The following SLC39A11 variants were observed in gnomAD, a reference collection of about 807,000 sequenced individuals.
The protein encoded by SLC39A11 is zinc transporter ZIP11.
Under a neutral mutation model 36.1 loss-of-function variants are expected in SLC39A11, and 33 were observed. The observed-to-expected ratio is 0.91, with a 90% confidence interval of 0.69 to 1.22. SLC39A11 has a LOEUF of 1.22. Among genes scored for constraint, SLC39A11 ranks in the 50% most tolerant of loss-of-function variants. The pLI, the probability that SLC39A11 is intolerant of heterozygous loss-of-function variation, is 0.00. For missense variants in SLC39A11, 432 were observed against 430.3 expected, an observed-to-expected ratio of 1.00 and a Z score of -0.03; for synonymous variants, 166 against 170.3, an observed-to-expected ratio of 0.97 and a Z score of 0.20.
rs71359751 is a variant in SLC39A11 at position 72,955,298 on chromosome 17, C to CTTTTTTTTTTTTTTTTTTTTTT, written c.307-7424_307-7423insAAAAAAAAAAAAAAAAAAAAAA. Among the ~76,000 whole-genome samples, 63 of 65,564 alleles carry CTTTTTTTTTTTTTTTTTTTTTT rather than the reference C, an allele frequency of 9.6e-4. 1 individual carries two copies. Among genetic ancestry groups the CTTTTTTTTTTTTTTTTTTTTTT allele is most frequent in the Non-Finnish European group, 1.3e-3 (51 of 38,250 alleles). 43.0% of individuals were successfully genotyped at this position (65,564 alleles called of 152,430 possible). A position where few individuals can be genotyped will look rare whatever the true frequency, so the allele number is the denominator to read the frequency against. On this transcript the variant is annotated intron_variant, in intron 4 of 9. Transcript: ENST00000255559. ...GAATAGGCTTTAACTTTTCAGTTCT[C>CTTTTTTTTTTTTTTTTTTTTTT]TTTTTTTTTTTTTTTTTTTTGTTTG...
chr17:73,048,763 A>G (rs980454858), intron 3 of SLC39A11, among the ~76,000 whole-genome samples: 1 of 152,216 alleles, frequency 6.6e-6, no homozygotes, highest in African/African-American at 2.4e-5. Context: ...CTGGCCTACA[A>G]GCGGATACTA....
intron 4 of SLC39A11, among the ~76,000 whole-genome samples, chr17:73,028,669 G>A (rs2058639716): frequency 6.6e-6 from 1 of 152,092 alleles, no homozygotes; most frequent in Non-Finnish European, 1.5e-5. Context: ...TGGTGATGAT[G>A]TCTGTTTCTG....
At chr17:72,719,308 C>T (rs368111660) in intron 7 of SLC39A11, among the ~76,000 whole-genome samples, 10 of 152,248 alleles carry the variant, frequency 6.6e-5, no homozygotes, top group East Asian at 1.9e-4. Context: ...CCCTGCCTCC[C>T]GAGGCCCCGT....
chr17:73,054,515 G>C (rs1028657813), intron 3 of SLC39A11, among the ~76,000 whole-genome samples: 2 of 152,164 alleles, frequency 1.3e-5, no homozygotes, highest in Non-Finnish European at 2.9e-5. Flanking sequence ...CCCTCAAGGT[G>C]CTTCTAGTTT....
chr17:72,862,584 T>C (rs2080094830), intron 5 of SLC39A11, among the ~76,000 whole-genome samples: 1 of 152,182 alleles, frequency 6.6e-6, no homozygotes, highest in African/African-American at 2.4e-5. Flanking sequence ...ACAAATGCCA[T>C]TCAGCAAAGG....
At position 73,031,597 on chromosome 17, in the gene SLC39A11, C is replaced by T; in HGVS notation, c.265G>A (p.Ala89Thr). Residue 89 changes from alanine to threonine, a missense_variant, in exon 4 of 10, where the codon GCG (alanine) becomes ACG (threonine). Ala to Thr is a moderately conservative substitution (Grantham distance 58, BLOSUM62 0). Transcript: ENST00000255559. ...FPVAVGFTLG[A>T]AFVYLADLLM... ...AGGTCAGCCAAGTAGACAAAAGCCG[C>T]TCCAAGGGTGAAGCCAACAGCCACA... 2 of 1,614,188 alleles carry T rather than the reference C, an allele frequency of 1.2e-6. No individual in the cohort carries two copies. Among genetic ancestry groups the T allele is most frequent in the South Asian group, 2.2e-5 (2 of 91,082 alleles).
In SLC39A11 at chr17:72,867,198, G is replaced by C. The variant is rs184505413; in HGVS notation, c.431-17394C>G. On this transcript the variant is annotated intron_variant, in intron 5 of 9. Transcript: ENST00000255559. ...CACCGTTATTAGGTCAACTAGGCAA[G>C]TTTAAAGAAAGTAAAAGGAAGCCAG... is the stretch of plus-strand genomic sequence containing the variant. Among the ~76,000 whole-genome samples the C allele has an allele frequency of 5.2e-3, 795 of 152,224 alleles. 4 individuals carry two copies. The highest frequency in any genetic ancestry group is 7.0e-3 in the Non-Finnish European group (474 of 68,014).
At chr17:72,825,784 T>G (rs1199430861) in intron 6 of SLC39A11, among the ~76,000 whole-genome samples, 1 of 152,246 alleles carries the variant, frequency 6.6e-6, no homozygotes, top group Non-Finnish European at 1.5e-5. Context: ...TGCTGGGTTT[T>G]GGATTTGCCC....
chr17:72,797,998 A>G (rs1242329888), intron 6 of SLC39A11, among the ~76,000 whole-genome samples: 3 of 152,062 alleles, frequency 2.0e-5, no homozygotes, highest in Non-Finnish European at 2.9e-5. Flanking sequence ...AGAAAAGGAG[A>G]AAGGACAGAC....
At position 73,050,462 on chromosome 17, in the gene SLC39A11, C is replaced by CTTTTTTTTTTTTT. The variant is rs558193911; in HGVS notation, c.148-18761_148-18749dup. Among the ~76,000 whole-genome samples, 565 of 124,234 alleles carry CTTTTTTTTTTTTT rather than the reference C, an allele frequency of 4.5e-3. 11 individuals are homozygous for CTTTTTTTTTTTTT. Among genetic ancestry groups the CTTTTTTTTTTTTT allele is most frequent in the African/African-American group, 0.017 (533 of 31,790 alleles). The allele number at this position is 124,234 out of a possible 152,430, so 81.5% of individuals were successfully genotyped here. On this transcript the variant is annotated intron_variant, in intron 3 of 9. Transcript: ENST00000255559. ...AGGAGCAGGGAGCCATGTGAACTGA[C>CTTTTTTTTTTTTT]TTTTTTTTTTTTTTTTTTTGAGACA...
intron 5 of SLC39A11, among the ~76,000 whole-genome samples, chr17:72,883,344 T>A (rs762678318): frequency 1.3e-5 from 2 of 152,198 alleles, no homozygotes; most frequent in Non-Finnish European, 1.5e-5. Flanking sequence ...AAATCCTCTG[T>A]AACCACAGAT....
intron 6 of SLC39A11, among the ~76,000 whole-genome samples, chr17:72,745,565 C>T (rs1187853944): frequency 6.6e-6 from 1 of 152,154 alleles, no homozygotes; most frequent in African/African-American, 2.4e-5. Context: ...TAACTGAAAG[C>T]TCAATCTTTC....
intron 6 of SLC39A11, among the ~76,000 whole-genome samples, chr17:72,788,029 C>T (rs567680016): frequency 6.6e-6 from 1 of 152,200 alleles, no homozygotes; most frequent in Non-Finnish European, 1.5e-5. Flanking sequence ...AAGGCAGGGT[C>T]AACATGTTTT....
intron 7 of SLC39A11, among the ~76,000 whole-genome samples, chr17:72,668,677 A>G (rs1438777406): frequency 6.6e-6 from 1 of 152,256 alleles, no homozygotes; most frequent in South Asian, 2.1e-4. Context: ...TGTCCACCAC[A>G]TGGCCAAGAA....
chr17:72,897,954 C>T (rs148423355), intron 5 of SLC39A11, among the ~76,000 whole-genome samples: 1,642 of 151,924 alleles, frequency 0.011, 34 homozygotes, highest in African/African-American at 0.037. Context: ...AGGTACAGGA[C>T]GGCTGGGGGA....
Position 72,978,074 on chromosome 17 carries a change from G to A in SLC39A11, c.307-30199C>T, listed in dbSNP as rs180809883. ...GTGGTCGTTGAGAATCTTCCAGGCCGTCCTCCAGCCTGCGAACGCAGGGGA... is the reference window on the plus strand; with the variant it reads ...GTGGTCGTTGAGAATCTTCCAGGCCATCCTCCAGCCTGCGAACGCAGGGGA... On this transcript the variant is annotated intron_variant, in intron 4 of 9. Coordinates refer to ENST00000255559, the MANE Select transcript of SLC39A11 (RefSeq NM_139177.4). 1.2e-3 allele frequency among the ~76,000 whole-genome samples: 189 copies of A among 152,326 alleles called. 2 individuals are homozygous for A. The highest frequency in any genetic ancestry group is 4.3e-3 in the African/African-American group (180 of 41,576).
chr17:73,044,989 T>C lies in SLC39A11; in HGVS notation c.148-13275A>G, dbSNP rs574352128. On this transcript the variant is annotated intron_variant, in intron 3 of 9. Coordinates refer to ENST00000255559, the MANE Select transcript of SLC39A11 (RefSeq NM_139177.4). ...GCTGACACTTTAAGATCTGGGCATA[T>C]TGTATATGTATTAGATCTGGTTTTT... Among the ~76,000 whole-genome samples, 16 of 152,040 alleles carry C rather than the reference T, an allele frequency of 1.1e-4. No homozygotes were observed. In the South Asian group the frequency reaches 2.5e-3, roughly 24 times the overall value.
chr17:72,758,149 G>T (rs2075432995), intron 6 of SLC39A11, among the ~76,000 whole-genome samples: 1 of 152,154 alleles, frequency 6.6e-6, no homozygotes, highest in Non-Finnish European at 1.5e-5. Context: ...GCCTCCCAAA[G>T]TGCTGGGATT....
At chr17:72,832,622 T>G (rs1393614851) in intron 6 of SLC39A11, among the ~76,000 whole-genome samples, 1 of 152,190 alleles carries the variant, frequency 6.6e-6, no homozygotes, top group Non-Finnish European at 1.5e-5. Context: ...CCCACTGTAT[T>G]TAACCAGAGA....
Sources: allele counts gnomAD v4.1 joint callset (sites outside exome capture counted in the v4.1 genomes callset), GRCh38; gene constraint gnomAD v4.1.1; transcripts MANE v1.5; gene names NCBI Gene and HGNC (gene_info 2026-07-23, HGNC 2026-07-21).